The following CADPS2 variants were observed in gnomAD, a reference collection of about 807,000 sequenced individuals.
CADPS2 encodes the protein calcium-dependent secretion activator 2.
In CADPS2, 93 loss-of-function variants were observed where a neutral mutation model predicts 172.5. That is an observed-to-expected ratio of 0.54 (90% CI 0.46 to 0.64). The LOEUF (loss-of-function observed/expected upper bound fraction) is 0.64. Ranked by LOEUF, CADPS2 falls within the 30% of genes least tolerant of loss-of-function variation. The pLI, the probability that CADPS2 is intolerant of heterozygous loss-of-function variation, is 0.00. For synonymous variants in CADPS2, 546 were observed against 555.2 expected (o/e 0.98, Z 0.23); for missense variants, 1,420 against 1,565.9 (o/e 0.91, Z 1.57).
At chr7:122,882,003 A>G (rs1823045294) in intron 1 of CADPS2, among the ~76,000 whole-genome samples, 1 of 152,184 alleles carries the variant, frequency 6.6e-6, no homozygotes, top group Admixed American at 6.5e-5. Context: ...AAGTAGTCAG[A>G]AGATGAAAAC....
intron 24 of CADPS2, chr7:122,382,186 G>T (rs1048862125): frequency 1.3e-5 from 2 of 151,988 alleles, no homozygotes; most frequent in Non-Finnish European, 2.9e-5. Flanking sequence ...TTTAATCCTT[G>T]CTAAAAAATG....
chr7:122,478,645 T>C (rs1301512404), intron 12 of CADPS2, among the ~76,000 whole-genome samples: 2 of 152,128 alleles, frequency 1.3e-5, no homozygotes, highest in Non-Finnish European at 2.9e-5. Flanking sequence ...AAAGGATAAG[T>C]AGGCTGACAG....
intron 14 of CADPS2, among the ~76,000 whole-genome samples, chr7:122,463,603 A>C (rs1437737790): frequency 6.6e-6 from 1 of 152,226 alleles, no homozygotes; most frequent in African/African-American, 2.4e-5. Flanking sequence ...AACTCTTAGA[A>C]AAGAAGAAAA....
intron 14 of CADPS2, among the ~76,000 whole-genome samples, chr7:122,459,025 A>G (rs1435743153): frequency 1.3e-5 from 2 of 152,054 alleles, no homozygotes; most frequent in African/African-American, 4.8e-5. Context: ...AATTTGAAAA[A>G]TAAAGACCAA....
intron 1 of CADPS2, among the ~76,000 whole-genome samples, chr7:122,881,250 A>G (rs1822852585): frequency 1.3e-5 from 2 of 152,172 alleles, no homozygotes; most frequent in Non-Finnish European, 2.9e-5. Context: ...TATTTTATTC[A>G]CCTAATAAGC....
intron 15 of CADPS2, among the ~76,000 whole-genome samples, chr7:122,444,682 T>A (rs2151984147): frequency 6.6e-6 from 1 of 152,326 alleles, no homozygotes; most frequent in East Asian, 1.9e-4. Flanking sequence ...AAAAGTTTTA[T>A]ATATTCTGAA....
intron 6 of CADPS2, among the ~76,000 whole-genome samples, chr7:122,598,633 A>AT (rs1352296197): frequency 6.6e-6 from 1 of 152,092 alleles, no homozygotes; most frequent in Admixed American, 6.6e-5. Flanking sequence ...TCATGTATTA[A>AT]TACTAGCAGG....
intron 29 of CADPS2, among the ~76,000 whole-genome samples, chr7:122,321,760 G>A (rs1245513594): frequency 2.6e-5 from 4 of 152,188 alleles, no homozygotes; most frequent in Non-Finnish European, 5.9e-5. Flanking sequence ...CATTACAGGC[G>A]TGAGCCACAG....
intron 1 of CADPS2, among the ~76,000 whole-genome samples, chr7:122,813,260 A>G (rs1800494513): frequency 1.3e-5 from 2 of 152,096 alleles, no homozygotes; most frequent in Non-Finnish European, 2.9e-5. Flanking sequence ...CTTCTTTCCC[A>G]CTCCCAATTA....
intron 7 of CADPS2, among the ~76,000 whole-genome samples, chr7:122,580,514 T>A (rs1184342229): frequency 6.6e-6 from 1 of 151,702 alleles, no homozygotes; most frequent in Non-Finnish European, 1.5e-5. Context: ...TATAGACTAC[T>A]CAATTAGAAC....
At chr7:122,337,726 A>G (rs565354274) in intron 28 of CADPS2, among the ~76,000 whole-genome samples, 1 of 150,764 alleles carries the variant, frequency 6.6e-6, no homozygotes, top group Non-Finnish European at 1.5e-5. Context: ...GTAATTCGAG[A>G]GCAGAGGTTT....
intron 7 of CADPS2, among the ~76,000 whole-genome samples, chr7:122,580,329 C>A (rs2068631362): frequency 6.6e-6 from 1 of 151,842 alleles, no homozygotes. Flanking sequence ...GTGGTATGTG[C>A]CTGTGGTCCC....
At chr7:122,737,102 G>T in intron 1 of CADPS2, 34 bp from the exon 2 acceptor site, 1 of 1,117,510 alleles carries the variant, frequency 8.9e-7, no homozygotes, top group Non-Finnish European at 1.4e-6. Context: ...CAGATAAATT[G>T]GCCAGTACAT....
At chr7:122,394,710 C>G (rs1176213995) in intron 20 of CADPS2, among the ~76,000 whole-genome samples, 2 of 152,040 alleles carry the variant, frequency 1.3e-5, no homozygotes, top group Non-Finnish European at 2.9e-5. Flanking sequence ...GGGGGAGGGG[C>G]AGCCCATGGC....
At chr7:122,576,906 C>A (rs1258082110) in intron 7 of CADPS2, among the ~76,000 whole-genome samples, 3 of 151,666 alleles carry the variant, frequency 2.0e-5, no homozygotes, top group Non-Finnish European at 2.9e-5. Flanking sequence ...GTTACAGGTG[C>A]CCACCACCAC....
intron 1 of CADPS2, among the ~76,000 whole-genome samples, chr7:122,794,113 T>C (rs1274678673): frequency 6.6e-6 from 1 of 152,056 alleles, no homozygotes; most frequent in African/African-American, 2.4e-5. Flanking sequence ...TGGATGATCT[T>C]CTTGCTTCAT....
intron 7 of CADPS2, among the ~76,000 whole-genome samples, chr7:122,563,696 G>C (rs775860914): frequency 6.6e-6 from 1 of 152,028 alleles, no homozygotes; most frequent in Non-Finnish European, 1.5e-5. Context: ...TACGGTGGTC[G>C]GATGGAAAAG....
At chr7:122,332,059 T>C (rs2035041468) in intron 28 of CADPS2, 1 of 152,210 alleles carries the variant, frequency 6.6e-6, no homozygotes, top group African/African-American at 2.4e-5. Context: ...AGAAGGTACC[T>C]ATTAATTATT....
At chr7:122,607,071 T>A (rs1046699563) in intron 6 of CADPS2, among the ~76,000 whole-genome samples, 1 of 152,134 alleles carries the variant, frequency 6.6e-6, no homozygotes, top group Non-Finnish European at 1.5e-5. Flanking sequence ...TTTCACGCCT[T>A]CTTCCCCTTC....
Sources: gnomAD v4.1 joint callset for allele counts (sites outside exome capture counted in the v4.1 genomes callset) on GRCh38, gnomAD v4.1.1 for gene constraint, MANE v1.5 for transcripts, NCBI Gene and HGNC (gene_info 2026-07-23, HGNC 2026-07-21) for gene names.